SLC44A3: variants seen among roughly 807,000 people sequenced by gnomAD.
SLC44A3 encodes solute carrier family 44 member 3.
Under a neutral mutation model 75.4 loss-of-function variants are expected in SLC44A3, and 74 were observed. That is an observed-to-expected ratio of 0.98 (90% CI 0.81 to 1.19). The LOEUF (loss-of-function observed/expected upper bound fraction) is 1.19. SLC44A3 is among the 50% of genes most tolerant of loss of function. The pLI, the probability that SLC44A3 is intolerant of heterozygous loss-of-function variation, is 0.00. For synonymous variants in SLC44A3, 310 were observed against 296.9 expected (o/e 1.04, Z -0.45); for missense variants, 700 against 778.6 (o/e 0.90, Z 1.20).
chr1:94,849,843 C>T (rs1400053957), intron 9 of SLC44A3, among the ~76,000 whole-genome samples: 3 of 152,144 alleles, frequency 2.0e-5, no homozygotes, highest in Admixed American at 6.5e-5. Context: ...ATCAACCTCC[C>T]GGGCTCAAGC....
chr1:94,864,699 T>G, intron 10 of SLC44A3, 44 bp from the exon 11 acceptor site: 1 of 1,584,614 alleles, frequency 6.3e-7, no homozygotes, highest in Non-Finnish European at 8.6e-7. Context: ...TTTGCTGCTT[T>G]ATAAAAAGTG....
intron 9 of SLC44A3, among the ~76,000 whole-genome samples, chr1:94,856,065 C>T (rs1201997703): frequency 6.6e-6 from 1 of 152,184 alleles, no homozygotes; most frequent in Non-Finnish European, 1.5e-5. Context: ...AATTCAAGGA[C>T]TTCTTTAGAG....
Position 94,849,651 on chromosome 1 carries a change from G to A in SLC44A3, c.1072+4187G>A, listed in dbSNP as rs150003082. ...ACAGTGCCCGATTGTCTCATTCCAC[G>A]TCCCACAGGCAGCTTCAGCGGGGAC... On this transcript the variant is annotated intron_variant, in intron 9 of 14. Transcript: ENST00000271227. 8.0e-3 allele frequency among the ~76,000 whole-genome samples: 1,215 copies of A among 152,306 alleles called. 5 individuals carry two copies. Among genetic ancestry groups the A allele is most frequent in the South Asian group, 0.016 (76 of 4,826 alleles).
In SLC44A3 at chr1:94,857,456, G is replaced by A. The variant is rs1485524196; in HGVS notation, c.1194G>A (p.Gln398=). Residue 398 remains glutamine (Q), a synonymous_variant, in exon 10 of 15, where the codon CAG becomes CAA. Transcript: ENST00000271227. Reference sequence around the variant, plus strand: ...CTAGTGAATTCATCCTTGCGTGCCAGCAAATGACTATAGCTGGGGCAGTGG... The same window carrying A: ...CTAGTGAATTCATCCTTGCGTGCCAACAAATGACTATAGCTGGGGCAGTGG... The part of the protein sequence containing the change: ...IWTSEFILAC[Q]QMTIAGAVVT... 3.1e-6 allele frequency: 5 copies of A among 1,613,720 alleles called. No individual in the cohort carries two copies. Among genetic ancestry groups the A allele is most frequent in the Non-Finnish European group, 3.4e-6 (4 of 1,179,884 alleles).
chr1:94,829,843 A>G (rs1661888254), intron 5 of SLC44A3, among the ~76,000 whole-genome samples: 2 of 152,238 alleles, frequency 1.3e-5, no homozygotes, highest in African/African-American at 2.4e-5. Flanking sequence ...ACTTACAGTA[A>G]GAAATTTATT....
chr1:94,820,786 G>A, intron 1 of SLC44A3, 163 bp from the exon 2 acceptor site: 1 of 1,370,950 alleles, frequency 7.3e-7, no homozygotes, highest in Non-Finnish European at 9.5e-7. Flanking sequence ...TTCAAAGGCT[G>A]TGTGAAAGAG....
chr1:94,866,058 G>A (rs1667135857), intron 11 of SLC44A3, among the ~76,000 whole-genome samples: 1 of 152,076 alleles, frequency 6.6e-6, no homozygotes, highest in African/African-American at 2.4e-5. Flanking sequence ...ACTTGAAGAG[G>A]CATTTCCATA....
intron 5 of SLC44A3, among the ~76,000 whole-genome samples, chr1:94,835,414 A>G (rs1258077329): frequency 6.6e-6 from 1 of 152,250 alleles, no homozygotes; most frequent in Admixed American, 6.5e-5. Flanking sequence ...TAGTTTAGTT[A>G]GTAGTTTAGT....
chr1:94,860,555 G>T (rs147810457), intron 10 of SLC44A3, among the ~76,000 whole-genome samples: 1 of 152,170 alleles, frequency 6.6e-6, no homozygotes. Flanking sequence ...ACAGGCAAAG[G>T]ATCAAGGACC....
chr1:94,829,691 A>G (rs1228572170), intron 5 of SLC44A3, among the ~76,000 whole-genome samples: 1 of 152,222 alleles, frequency 6.6e-6, no homozygotes, highest in Non-Finnish European at 1.5e-5. Context: ...TTGATTTTGA[A>G]TTGTCATTCT....
At chr1:94,836,940 G>T (rs1232619223) in intron 5 of SLC44A3, 2 of 147,506 alleles carry the variant, frequency 1.4e-5, no homozygotes, top group African/African-American at 5.1e-5. Context: ...AAAAAAAGAG[G>T]TTCCCCATAA....
intron 14 of SLC44A3, among the ~76,000 whole-genome samples, chr1:94,892,814 T>C (rs1448489576): frequency 6.6e-6 from 1 of 152,202 alleles, no homozygotes; most frequent in Non-Finnish European, 1.5e-5. Flanking sequence ...CTGAACACAG[T>C]AGTTCAGCTC....
intron 12 of SLC44A3, among the ~76,000 whole-genome samples, chr1:94,876,357 T>C (rs1018107261): frequency 2.0e-5 from 3 of 152,186 alleles, no homozygotes; most frequent in African/African-American, 2.4e-5. Flanking sequence ...GCAGGATTCT[T>C]TGGGGCATTG....
intron 9 of SLC44A3, among the ~76,000 whole-genome samples, chr1:94,854,259 G>A (rs987696723): frequency 1.3e-5 from 2 of 152,322 alleles, no homozygotes; most frequent in East Asian, 1.9e-4. Flanking sequence ...CAGCCTGTGT[G>A]ACTCTCAAGC....
chr1:94,890,701 C>T lies in SLC44A3; in HGVS notation c.1483-429C>T, dbSNP rs564933792. ...TATTGTGCATTAAAAAATAACTTAT[C>T]GCCAGGGTGGTGGCTCTCGCCTGTA... On this transcript the variant is annotated intron_variant, in intron 12 of 14. Transcript: ENST00000271227. Among the ~76,000 whole-genome samples the T allele has an allele frequency of 3.9e-5, 6 of 152,262 alleles. No individual in the cohort carries two copies. In the East Asian group the frequency reaches 7.7e-4, roughly 20 times the overall value.
intron 8 of SLC44A3, 106 bp from the exon 9 acceptor site, chr1:94,845,162 TAACTATCTTA>T: frequency 9.3e-7 from 1 of 1,077,788 alleles, no homozygotes; most frequent in Non-Finnish European, 1.3e-6. Context: ...AAGTAGTGAG[TAACTATCTTA>T]AAAGAGCTGT....
intron 9 of SLC44A3, among the ~76,000 whole-genome samples, chr1:94,851,338 T>C (rs536779051): frequency 3.9e-4 from 59 of 152,330 alleles, no homozygotes; most frequent in African/African-American, 1.4e-3. Context: ...CCCTGGGTAC[T>C]TGAGATACAG....
intron 2 of SLC44A3, among the ~76,000 whole-genome samples, chr1:94,823,343 G>T (rs1660874588): frequency 6.6e-6 from 1 of 152,188 alleles, no homozygotes; most frequent in Admixed American, 6.5e-5. Context: ...TTTAGGTAAA[G>T]GGTGAGTGAC....
At chr1:94,878,478 G>A (rs936275164) in intron 12 of SLC44A3, among the ~76,000 whole-genome samples, 1 of 152,148 alleles carries the variant, frequency 6.6e-6, no homozygotes, top group African/African-American at 2.4e-5. Flanking sequence ...ACCAAAAGGA[G>A]CAGGGAGGCA....
Sources: gnomAD v4.1 joint callset for allele counts (sites outside exome capture counted in the v4.1 genomes callset) on GRCh38, gnomAD v4.1.1 for gene constraint, MANE v1.5 for transcripts, NCBI Gene and HGNC (gene_info 2026-07-23, HGNC 2026-07-21) for gene names.